Variants in SCUBE1 observed in about 807,000 individuals in gnomAD.
The protein encoded by SCUBE1 is signal peptide, CUB domain and EGF like domain containing 1, also known as signal peptide, CUB and EGF-like domain-containing protein 1.
SCUBE1 carries 59 observed loss-of-function variants against 124.4 expected under a neutral mutation model. The observed-to-expected ratio is 0.47, with a 90% CI of 0.38 to 0.59. The LOEUF is 0.59. SCUBE1 is among the 20% of genes least tolerant of loss of function. The pLI is 0.00. For synonymous variants in SCUBE1, 545 were observed against 550.9 expected, an observed-to-expected ratio of 0.99 and a Z score of 0.15; for missense variants, 1,150 against 1,371.2, an observed-to-expected ratio of 0.84 and a Z score of 2.55.
At chr22:43,343,132 G>A (rs938774237) in intron 1 of SCUBE1, 42 bp downstream of exon 1, 2 of 1,027,296 alleles carry the variant, frequency 1.9e-6, no homozygotes, top group Non-Finnish European at 2.4e-6. Context: ...GGCCGCCCGA[G>A]CCCCCCGCGC....
At chr22:43,267,663 C>A (rs1924126392) in intron 4 of SCUBE1, among the ~76,000 whole-genome samples, 1 of 152,208 alleles carries the variant, frequency 6.6e-6, no homozygotes, top group African/African-American at 2.4e-5. Context: ...GCAACAGTGA[C>A]ACAGCGACCA....
At chr22:43,294,427 T>C (rs1329185997) in intron 3 of SCUBE1, among the ~76,000 whole-genome samples, 1 of 151,762 alleles carries the variant, frequency 6.6e-6, no homozygotes, top group Non-Finnish European at 1.5e-5. Context: ...TGGGCTCACT[T>C]GGAGGCCCTG....
At chr22:43,221,739 G>A (rs1922099413) in intron 12 of SCUBE1, among the ~76,000 whole-genome samples, 2 of 152,288 alleles carry the variant, frequency 1.3e-5, no homozygotes, top group Admixed American at 1.3e-4. Flanking sequence ...ACCACCACAG[G>A]TGCTTAGAAT....
At chr22:43,290,913 A>G in intron 4 of SCUBE1, 133 bp downstream of exon 4, 1 of 968,502 alleles carries the variant, frequency 1.0e-6, no homozygotes. Context: ...GACGTGCAAA[A>G]CAGTCATTCA....
At chr22:43,317,635 G>A (rs1449760562) in intron 3 of SCUBE1, among the ~76,000 whole-genome samples, 1 of 152,238 alleles carries the variant, frequency 6.6e-6, no homozygotes, top group Non-Finnish European at 1.5e-5. Context: ...GCAGCCAGTG[G>A]CAAAAGAGGG....
Position 43,229,084 on chromosome 22 carries a change from T to C in SCUBE1, c.1072A>G (p.Thr358Ala). ...GCAGGCTGCAGACCTCCGCAGTGGG[T>C]TGTCCCGTAGAGGATGTAGCCGCGG... is the stretch of plus-strand genomic sequence containing the variant. ...CHRGYILYGT[T>A]HCGDVDECSM... Residue 358 changes from threonine to alanine, a missense_variant, in exon 9 of 22, where the codon ACC becomes GCC. Physicochemically the swap from Thr to Ala is moderately conservative, Grantham distance 58 (BLOSUM62 0). Transcript: ENST00000360835. 13 of 1,612,246 alleles carry C rather than the reference T, an allele frequency of 8.1e-6. No homozygotes were observed. Among genetic ancestry groups the C allele is most frequent in the Non-Finnish European group, 1.1e-5 (13 of 1,179,256 alleles).
At chr22:43,261,991 C>T (rs1923888872) in intron 5 of SCUBE1, among the ~76,000 whole-genome samples, 1 of 152,128 alleles carries the variant, frequency 6.6e-6, no homozygotes, top group Admixed American at 6.5e-5. Context: ...CCTACTCCTA[C>T]TGGGGAATGG....
intron 3 of SCUBE1, among the ~76,000 whole-genome samples, chr22:43,292,500 T>C (rs1226274551): frequency 6.6e-6 from 1 of 150,750 alleles, no homozygotes; most frequent in Non-Finnish European, 1.5e-5. Flanking sequence ...GGCAAATATA[T>C]AAAACCACAA....
Position 43,210,790 on chromosome 22 carries a change from G to T in SCUBE1, c.2383+132C>A. 1 of 1,112,332 alleles carries T rather than the reference G, an allele frequency of 9.0e-7. No homozygotes were observed. The highest frequency in any genetic ancestry group is 1.3e-6 in the Non-Finnish European group (1 of 766,112). 68.9% of individuals were successfully genotyped at this position (1,112,332 alleles called of 1,614,324 possible). ...CCAGATGGATGCAATGCACCCGAGA[G>T]CAGACGGGACGGAGCGGGAGGAGTC... On this transcript the variant is annotated intron_variant, in intron 18 of 21. Coordinates refer to ENST00000360835, the MANE Select transcript of SCUBE1 (RefSeq NM_173050.5). This position sits in a 1 kb window ranked among gnomAD's most constrained non-coding sequence, Gnocchi z 4.5.
chr22:43,231,616 T>C lies in SCUBE1; in HGVS notation c.967+137A>G, dbSNP rs893454070. 3.0e-5 allele frequency: 31 copies of C among 1,023,384 alleles called. No homozygotes were observed. The South Asian group carries it at 4.7e-4, about 16-fold the overall frequency. 63.4% of individuals were successfully genotyped at this position (1,023,384 alleles called of 1,614,324 possible). On this transcript the variant is annotated intron_variant, in intron 8 of 21. Transcript: ENST00000360835. ...AGATTGGACTGGATGTCCCCTAGAG[T>C]CGTAAAGGACCCCATTCCCTCGGGC...
At chr22:43,315,141 C>T (rs1926300938) in intron 3 of SCUBE1, among the ~76,000 whole-genome samples, 1 of 152,048 alleles carries the variant, frequency 6.6e-6, no homozygotes, top group Admixed American at 6.5e-5. Flanking sequence ...TGTGGGTTGC[C>T]AGCTTGAAGC....
At chr22:43,324,002 A>T (rs1319691112) in intron 2 of SCUBE1, among the ~76,000 whole-genome samples, 1 of 152,204 alleles carries the variant, frequency 6.6e-6, no homozygotes, top group Non-Finnish European at 1.5e-5. Flanking sequence ...TCAGTTATGG[A>T]GTTGCTGCAT....
intron 4 of SCUBE1, among the ~76,000 whole-genome samples, chr22:43,263,927 C>T (rs373830764): frequency 5.3e-5 from 8 of 152,344 alleles, no homozygotes; most frequent in African/African-American, 1.4e-4. Context: ...CAAGTTCACA[C>T]GGAAAGACCC....
chr22:43,311,318 T>A (rs1335481349), intron 3 of SCUBE1, among the ~76,000 whole-genome samples: 1 of 152,214 alleles, frequency 6.6e-6, no homozygotes, highest in East Asian at 1.9e-4. Flanking sequence ...TAGTAAGCAC[T>A]GAAAACCATG....
chr22:43,332,176 T>G (rs1926924353), intron 2 of SCUBE1, among the ~76,000 whole-genome samples: 1 of 151,894 alleles, frequency 6.6e-6, no homozygotes, highest in South Asian at 2.1e-4. Context: ...TAGTCCCAGG[T>G]ACTTGGGAGG....
intron 2 of SCUBE1, among the ~76,000 whole-genome samples, chr22:43,322,817 T>C (rs1926602191): frequency 6.6e-6 from 1 of 152,232 alleles, no homozygotes; most frequent in Non-Finnish European, 1.5e-5. Flanking sequence ...AAAGGACTTT[T>C]ATTCTATGCT....
chr22:43,209,936 C>T (rs1177446735), intron 19 of SCUBE1, 107 bp downstream of exon 19: 1 of 1,242,270 alleles, frequency 8.0e-7, no homozygotes, highest in Non-Finnish European at 1.1e-6. Flanking sequence ...CCCCAGGGCC[C>T]TCCTCTCTGC....
intron 21 of SCUBE1, among the ~76,000 whole-genome samples, chr22:43,205,583 A>ACACCACACACCCACT (rs1008751851): frequency 1.3e-5 from 2 of 148,328 alleles, no homozygotes; most frequent in East Asian, 4.0e-4. Flanking sequence ...ACCACACCCC[A>ACACCACACACCCACT]CACCACACAC....
chr22:43,243,940 T>C (rs1435742090), intron 6 of SCUBE1, among the ~76,000 whole-genome samples: 3 of 152,202 alleles, frequency 2.0e-5, no homozygotes, highest in African/African-American at 7.2e-5. Context: ...ATGATTATTA[T>C]CTGAACTTCC....
Sources: gnomAD v4.1 joint callset for allele counts (sites outside exome capture counted in the v4.1 genomes callset) on GRCh38, gnomAD v4.1.1 for gene constraint, Gnocchi (gnomAD v3.1) non-coding constraint, MANE v1.5 for transcripts, NCBI Gene and HGNC (gene_info 2026-07-23, HGNC 2026-07-21) for gene names.